GALNT11: variants seen among roughly 807,000 people sequenced by gnomAD.
The protein encoded by GALNT11 is UDP-GalNAc:polypeptide N-acetylgalactosaminyltransferase 11.
In GALNT11, 47 loss-of-function variants were observed where a neutral mutation model predicts 72.7. The observed-to-expected ratio is 0.65, with a 90% CI of 0.51 to 0.82. The LOEUF is 0.82. Ranked by LOEUF, GALNT11 falls within the 40% of genes least tolerant of loss-of-function variation. GALNT11 has a pLI of 0.00. For synonymous variants in GALNT11, 270 were observed against 286.6 expected (o/e 0.94, Z 0.58); for missense variants, 677 against 778.4 (o/e 0.87, Z 1.55).
chr7:152,077,648 C>G (rs555606297), intron 1 of GALNT11, among the ~76,000 whole-genome samples: 1 of 152,112 alleles, frequency 6.6e-6, no homozygotes, highest in African/African-American at 2.4e-5. Context: ...GCTGGTGACC[C>G]CAGTCACCTA....
chr7:152,117,532 T>C (rs753085424), intron 9 of GALNT11, 157 bp downstream of exon 9: 22 of 711,770 alleles, frequency 3.1e-5, no homozygotes, highest in Non-Finnish European at 4.4e-5. Context: ...TGGGAACTTC[T>C]CTACGCAAGT....
rs13228287 is a variant in GALNT11 at position 152,116,427 on chromosome 7, A to T, written c.1234-730A>T. Among the ~76,000 whole-genome samples the T allele has an allele frequency of 4.5e-3, 690 of 152,184 alleles. 1 individual carries two copies. Among genetic ancestry groups the T allele is most frequent in the South Asian group, 8.7e-3 (42 of 4,816 alleles). Reference sequence around the variant, plus strand: ...AATTTTTGTATTTTTTCGTAGAGACACGGTTTCACCATGTTTGGCCAGGCG... The same window carrying T: ...AATTTTTGTATTTTTTCGTAGAGACTCGGTTTCACCATGTTTGGCCAGGCG... On this transcript the variant is annotated intron_variant, in intron 8 of 11. Coordinates refer to ENST00000430044, the MANE Select transcript of GALNT11 (RefSeq NM_022087.4).
rs144611938 is a variant in GALNT11, at chr7:152,108,088, C to G, written c.763C>G (p.Leu255Val). ...DSHCEVNVMW[L>V]QPLLAAIRED... ...CCACTGTGAAGTGAATGTGATGTGG[C>G]TGCAGCCCTTGCTGGCCGCCATCCG... Residue 255 changes from leucine to valine, a missense_variant, in exon 6 of 12, where the codon CTG becomes GTG. Transcript: ENST00000430044. The G allele has an allele frequency of 1.8e-4, 287 of 1,613,986 alleles. 1 individual carries two copies. The African/African-American group carries it at 3.3e-3, about 18-fold the overall frequency.
intron 1 of GALNT11, among the ~76,000 whole-genome samples, chr7:152,092,290 T>A (rs2086093106): frequency 6.6e-6 from 1 of 152,248 alleles, no homozygotes; most frequent in African/African-American, 2.4e-5. Context: ...AGTTGCACAT[T>A]GCAATTTTTT....
At chr7:152,112,503 C>T (rs1011646845) in intron 7 of GALNT11, among the ~76,000 whole-genome samples, 3 of 151,166 alleles carry the variant, frequency 2.0e-5, no homozygotes, top group Admixed American at 1.3e-4. Context: ...CGCCACTGCA[C>T]TCTAGCCGGG....
intron 1 of GALNT11, among the ~76,000 whole-genome samples, chr7:152,056,425 A>G (rs1470518197): frequency 1.3e-5 from 2 of 152,166 alleles, no homozygotes; most frequent in African/African-American, 4.8e-5. Context: ...CAAGTATCCT[A>G]TCCCTTGGGT....
At chr7:152,068,990 T>C (rs1193121614) in intron 1 of GALNT11, among the ~76,000 whole-genome samples, 1 of 152,210 alleles carries the variant, frequency 6.6e-6, no homozygotes, top group Non-Finnish European at 1.5e-5. Context: ...ACCACACTTA[T>C]GAACTACAAA....
At chr7:152,054,709 G>A (rs938771256) in intron 1 of GALNT11, among the ~76,000 whole-genome samples, 1 of 151,512 alleles carries the variant, frequency 6.6e-6, no homozygotes, top group Non-Finnish European at 1.5e-5. Context: ...TGTAGAGACA[G>A]GGTTTCACCA....
At chr7:152,060,694 A>G (rs571562714) in intron 1 of GALNT11, among the ~76,000 whole-genome samples, 7 of 151,152 alleles carry the variant, frequency 4.6e-5, no homozygotes, top group Non-Finnish European at 2.9e-5. Context: ...TCATTGTTCA[A>G]TTCCCACCTA....
chr7:152,103,175 T>G lies in GALNT11; in HGVS notation c.483T>G (p.Asn161Lys), dbSNP rs563862783. 1 of 1,613,100 alleles carries G rather than the reference T, an allele frequency of 6.2e-7. No homozygotes were observed. Among genetic ancestry groups the G allele is most frequent in the East Asian group, 2.2e-5 (1 of 44,858 alleles). ...CTAGTGTTGTTATCTGTTTCTATAA[T>G]GAAGCGTTTTCTGCCTTGCTTCGGA... ...PAASVVICFY[N>K]EAFSALLRTV... Residue 161 changes from asparagine (N) to lysine (K), a missense_variant, in exon 4 of 12, where the codon AAT becomes AAG. Transcript: ENST00000430044.
At chr7:152,026,042 C>T (rs2081993040) in intron 1 of GALNT11, among the ~76,000 whole-genome samples, 158 bp downstream of exon 1, 4 of 151,842 alleles carry the variant, frequency 2.6e-5, no homozygotes, top group Admixed American at 2.6e-4. Context: ...GGGCGAGGCT[C>T]GTGTCTCCGG....
intron 5 of GALNT11, 103 bp downstream of exon 5, chr7:152,105,473 A>G: frequency 2.0e-6 from 3 of 1,475,060 alleles, no homozygotes; most frequent in Non-Finnish European, 1.8e-6. Context: ...TAGTGTTTCA[A>G]ACGGACATTG....
chr7:152,058,150 T>C (rs759531076), intron 1 of GALNT11, among the ~76,000 whole-genome samples: 11 of 152,138 alleles, frequency 7.2e-5, no homozygotes, highest in Non-Finnish European at 1.5e-4. Context: ...TGCAATAGCA[T>C]TATAGCTTAA....
At chr7:152,032,685 C>T (rs2082361580) in intron 1 of GALNT11, among the ~76,000 whole-genome samples, 1 of 152,156 alleles carries the variant, frequency 6.6e-6, no homozygotes, top group Non-Finnish European at 1.5e-5. Flanking sequence ...ACTGGGCAGG[C>T]ATTTTTTGCC....
rs2087144809 is a variant in GALNT11, at chr7:152,103,165, G to C, written c.473G>C (p.Cys158Ser). Residue 158 changes from cysteine to serine, a missense_variant, in exon 4 of 12, where the codon TGT becomes TCT. Coordinates refer to ENST00000430044, the MANE Select transcript of GALNT11 (RefSeq NM_022087.4). ...PDLPAASVVI[C>S]FYNEAFSALL... ...CTGCCAGCTGCTAGTGTTGTTATCTGTTTCTATAATGAAGCGTTTTCTGCC... is the reference window on the plus strand; with the variant it reads ...CTGCCAGCTGCTAGTGTTGTTATCTCTTTCTATAATGAAGCGTTTTCTGCC... The C allele has an allele frequency of 2.5e-6, 4 of 1,612,540 alleles. No homozygotes were observed. In the South Asian group the frequency reaches 4.4e-5, roughly 18 times the overall value.
rs897501929 is a variant in GALNT11 at position 152,094,575 on chromosome 7, G to A, written c.295+53G>A. The A allele has an allele frequency of 5.1e-5, 77 of 1,501,440 alleles. No homozygotes were observed. Among genetic ancestry groups the A allele is most frequent in the Admixed American group, 2.3e-5 (1 of 44,172 alleles). 93.0% of individuals were successfully genotyped at this position (1,501,440 alleles called of 1,614,324 possible). A position where few individuals can be genotyped will look rare whatever the true frequency, so the allele number is the denominator to read the frequency against. The stretch of plus-strand genomic sequence containing the variant: ...ATATCAATGTATTTAATCACTGGAA[G>A]TTTGATTAATTAGTTAATTAGGAGA... On this transcript the variant is annotated intron_variant, in intron 2 of 11. Transcript: ENST00000430044. The surrounding 1 kb of genome is among the most constrained non-coding windows in gnomAD (Gnocchi z 4.3).
chr7:152,102,933 A>G (rs1270741783), intron 3 of GALNT11, among the ~76,000 whole-genome samples, 179 bp from the exon 4 acceptor site: 1 of 149,680 alleles, frequency 6.7e-6, no homozygotes, highest in Admixed American at 6.7e-5. Flanking sequence ...ATGAGCCGAG[A>G]TAGCGCCACT....
At chr7:152,110,708 T>C in intron 7 of GALNT11, 63 bp downstream of exon 7, 1 of 1,173,568 alleles carries the variant, frequency 8.5e-7, no homozygotes, top group Non-Finnish European at 1.2e-6. Context: ...TCATCCATGA[T>C]CTCATATTTT....
intron 1 of GALNT11, among the ~76,000 whole-genome samples, chr7:152,076,001 G>A (rs1444368858): frequency 2.3e-5 from 3 of 128,118 alleles, no homozygotes; most frequent in African/African-American, 5.7e-5. Context: ...GGTGGAGCTT[G>A]CAGTGAGCCG....
Sources: allele counts gnomAD v4.1 joint callset (sites outside exome capture counted in the v4.1 genomes callset), GRCh38; gene constraint gnomAD v4.1.1; non-coding constraint Gnocchi (gnomAD v3.1); transcripts MANE v1.5; gene names NCBI Gene and HGNC (gene_info 2026-07-23, HGNC 2026-07-21).